DNAH11: variants seen among roughly 807,000 people sequenced by gnomAD.
DNAH11 encodes the protein dynein axonemal heavy chain 11, also known as axonemal beta dynein heavy chain 11.
In DNAH11, 442 loss-of-function variants were observed where a neutral mutation model predicts 526.0. The ratio of observed to expected loss-of-function variants is 0.84; its 90% CI spans 0.78 to 0.91. The LOEUF is 0.91. Among genes scored for constraint, DNAH11 ranks in the 40% least tolerant of loss-of-function variants. The probability of loss-of-function intolerance (pLI) is 0.00; values close to 1 mark genes in which losing one functional copy is unlikely to be tolerated. For synonymous variants in DNAH11, 2,461 were observed against 1,935.9 expected, an observed-to-expected ratio of 1.27 and a Z score of -7.12; for missense variants, 6,989 against 5,448.7, an observed-to-expected ratio of 1.28 and a Z score of -8.90.
intron 54 of DNAH11, among the ~76,000 whole-genome samples, chr7:21,756,260 A>G (rs1292668556): frequency 6.6e-6 from 1 of 152,100 alleles, no homozygotes; most frequent in African/African-American, 2.4e-5. Flanking sequence ...AATACCCTCA[A>G]CACCGTTTAT....
chr7:21,611,013 C>G (rs1361935411), intron 20 of DNAH11, among the ~76,000 whole-genome samples: 1 of 152,102 alleles, frequency 6.6e-6, no homozygotes, highest in African/African-American at 2.4e-5. Context: ...TAAGGGATAC[C>G]TACAGAGCTG....
intron 5 of DNAH11, 146 bp from the exon 6 acceptor site, chr7:21,564,040 T>TCGGTGGTC: frequency 5.6e-6 from 3 of 532,622 alleles, no homozygotes; most frequent in Non-Finnish European, 9.5e-6. Context: ...GTGTGTAGAT[T>TCGGTGGTC]GTAGGATAAG....
chr7:21,694,506 A>G (rs1583601105), intron 35 of DNAH11, among the ~76,000 whole-genome samples: 1 of 152,168 alleles, frequency 6.6e-6, no homozygotes, highest in African/African-American at 2.4e-5. Flanking sequence ...AGCTTCATCC[A>G]TGTCCCTGTA....
At chr7:21,809,704 C>G (rs528857646) in intron 63 of DNAH11, among the ~76,000 whole-genome samples, 1 of 152,172 alleles carries the variant, frequency 6.6e-6, no homozygotes, top group South Asian at 2.1e-4. Flanking sequence ...GCTGGGATTA[C>G]AGGCACCCGC....
At chr7:21,850,247 T>A (rs1782574151) in intron 66 of DNAH11, among the ~76,000 whole-genome samples, 1 of 150,902 alleles carries the variant, frequency 6.6e-6, no homozygotes, top group South Asian at 2.1e-4. Context: ...TCCCAGCTAC[T>A]CGGGAGGCTG....
chr7:21,635,908 A>G lies in DNAH11; in HGVS notation c.4538A>G (p.Glu1513Gly). 6.2e-7 allele frequency: 1 copy of G among 1,613,078 alleles called. No individual in the cohort carries two copies. ...ACTCTTCTTCAAAGCAAGTATGTAGAATATTTCATTGAGCAAGTGTTAAGC... is the reference window on the plus strand; with the variant it reads ...ACTCTTCTTCAAAGCAAGTATGTAGGATATTTCATTGAGCAAGTGTTAAGC... ...LQTLLQSKYV[E>G]YFIEQVLSWQ... is the part of the protein sequence containing the mutation. The change falls in exon 26 of 82, where the codon GAA becomes GGA. Residue 1513 changes from glutamate to glycine, a missense_variant. Transcript: ENST00000409508.
intron 2 of DNAH11, among the ~76,000 whole-genome samples, chr7:21,546,265 C>CTAGT (rs747964837): frequency 1.3e-5 from 2 of 152,196 alleles, no homozygotes; most frequent in African/African-American, 2.4e-5. Context: ...TCTCTCACCC[C>CTAGT]TAACTCCTGT....
rs1389319780 is a variant in DNAH11, at chr7:21,901,434, G to A, written c.*180G>A. ...ATACTAGAAACTAACTCAGGGCTGA[G>A]CGTGGTGGCACACGACTGTAATCCC... On this transcript the variant is annotated 3_prime_UTR_variant, in exon 82 of 82. Coordinates refer to ENST00000409508, the MANE Select transcript of DNAH11 (RefSeq NM_001277115.2). 4 of 844,766 alleles carry A rather than the reference G, an allele frequency of 4.7e-6. No individual in the cohort carries two copies. Among genetic ancestry groups the A allele is most frequent in the Non-Finnish European group, 6.5e-6 (4 of 614,888 alleles). 52.3% of individuals were successfully genotyped at this position (844,766 alleles called of 1,614,324 possible).
rs72655979 is a variant in DNAH11, at chr7:21,564,048, A to G, written c.983-138A>G. ...ATTGCTCGTGTGTAGATTGTAGGAT[A>G]AGTAATATAAAAGGAACTATGACAA... is the stretch of plus-strand genomic sequence containing the variant. On this transcript the variant is annotated intron_variant, in intron 5 of 81. Coordinates refer to ENST00000409508, the MANE Select transcript of DNAH11 (RefSeq NM_001277115.2). 2,890 of 572,046 alleles carry G rather than the reference A, an allele frequency of 5.1e-3. 15 individuals are homozygous for G. The highest frequency in any genetic ancestry group is 8.2e-3 in the East Asian group (284 of 34,576). The allele number at this position is 572,046 out of a possible 1,614,324, so 35.4% of individuals were successfully genotyped here. A position where few individuals can be genotyped will look rare whatever the true frequency, so the allele number is the denominator to read the frequency against.
At position 21,638,998 on chromosome 7, in the gene DNAH11, C is replaced by G. The variant is rs769656212; in HGVS notation, c.4877C>G (p.Pro1626Arg). ...EYLETKRIAF[P>R]RFYFVSSADL... is the part of the protein sequence containing the mutation. ...CTGGAAACCAAGCGCATAGCCTTTC[C>G]TCGCTTCTATTTCGTCTCTTCTGCT... Residue 1626 changes from proline to arginine, a missense_variant, in exon 28 of 82, where the codon CCT becomes CGT. Transcript: ENST00000409508. 6.2e-7 allele frequency: 1 copy of G among 1,613,686 alleles called. No homozygotes were observed. Among genetic ancestry groups the G allele is most frequent in the Admixed American group, 1.7e-5 (1 of 60,012 alleles).
intron 20 of DNAH11, among the ~76,000 whole-genome samples, chr7:21,608,387 C>G (rs1207979247): frequency 2.0e-5 from 3 of 152,188 alleles, no homozygotes; most frequent in Non-Finnish European, 4.4e-5. Context: ...GATTTAGGAG[C>G]TGGGCACCTT....
intron 65 of DNAH11, among the ~76,000 whole-genome samples, chr7:21,839,339 C>T (rs1782115257): frequency 6.6e-6 from 1 of 152,000 alleles, no homozygotes; most frequent in Non-Finnish European, 1.5e-5. Context: ...CTTTGGTAGG[C>T]TGAGGGGGGC....
At chr7:21,826,880 T>C (rs769889673) in intron 65 of DNAH11, among the ~76,000 whole-genome samples, 14 of 152,224 alleles carry the variant, frequency 9.2e-5, no homozygotes, top group Non-Finnish European at 1.6e-4. Flanking sequence ...GGAGTTGTTG[T>C]TGTTGTTGTT....
chr7:21,721,160 G>C (rs1784861169), intron 44 of DNAH11, among the ~76,000 whole-genome samples: 1 of 152,150 alleles, frequency 6.6e-6, no homozygotes, highest in South Asian at 2.1e-4. Context: ...CACTCAGTGT[G>C]CCTGAGACAG....
At chr7:21,576,074 T>G (rs114180784) in intron 8 of DNAH11, among the ~76,000 whole-genome samples, 2 of 152,188 alleles carry the variant, frequency 1.3e-5, no homozygotes, top group African/African-American at 4.8e-5. Context: ...TACAGTAGCA[T>G]GGCTCACCTG....
At chr7:21,828,776 G>A (rs74882118) in intron 65 of DNAH11, among the ~76,000 whole-genome samples, 1 of 66,120 alleles carries the variant, frequency 1.5e-5, no homozygotes, top group Non-Finnish European at 3.4e-5. Flanking sequence ...TTTTTTTTTT[G>A]CTGTACAATG....
At chr7:21,655,698 T>C in intron 28 of DNAH11, 134 bp from the exon 29 acceptor site, 3 of 937,308 alleles carry the variant, frequency 3.2e-6, no homozygotes, top group Non-Finnish European at 3.1e-6. Flanking sequence ...AAGTGACTTT[T>C]ATTTTGAGGG....
At chr7:21,812,040 G>C (rs1789547788) in intron 63 of DNAH11, among the ~76,000 whole-genome samples, 1 of 152,054 alleles carries the variant, frequency 6.6e-6, no homozygotes, top group African/African-American at 2.4e-5. Context: ...GGGTGATTCT[G>C]ATATCATCCC....
chr7:21,746,003 G>A (rs1212523416), intron 51 of DNAH11, among the ~76,000 whole-genome samples: 1 of 152,210 alleles, frequency 6.6e-6, no homozygotes, highest in Non-Finnish European at 1.5e-5. Flanking sequence ...TAACAAAAAT[G>A]GAGAGGCAGG....
Sources: allele counts gnomAD v4.1 joint callset (sites outside exome capture counted in the v4.1 genomes callset), GRCh38; gene constraint gnomAD v4.1.1; transcripts MANE v1.5; gene names NCBI Gene and HGNC (gene_info 2026-07-23, HGNC 2026-07-21).